The following EP300 variants were observed in gnomAD, a reference collection of about 807,000 sequenced individuals.
EP300 encodes EP300 lysine acetyltransferase.
A neutral mutation model predicts 264.0 loss-of-function variants in EP300; 31 were observed. That is an observed-to-expected ratio of 0.12 (90% confidence interval 0.09 to 0.16). The LOEUF (loss-of-function observed/expected upper bound fraction) is 0.16, where lower values mean the gene tolerates loss of function less well. EP300 is among the 10% of genes least tolerant of loss of function. The pLI, the probability that EP300 is intolerant of heterozygous loss-of-function variation, is 1.00. For synonymous variants in EP300, 1,340 were observed against 1,045.4 expected, an observed-to-expected ratio of 1.28 and a Z score of -5.44; for missense variants, 2,766 against 3,052.9, an observed-to-expected ratio of 0.91 and a Z score of 2.21.
Position 41,178,943 on chromosome 22 carries a change from T to C in EP300, c.7232T>C (p.Leu2411Pro). ...AATTCAAACCTCTCACAGAGTACAC[T>C]AGACATACACTAGAGACACCTTGTA... The part of the protein sequence containing the change: ...DLNSNLSQST[L>P]DIH Residue 2411 changes from leucine to proline, a missense_variant, in exon 31 of 31, where the codon CTA becomes CCA. Physicochemically the swap from Leu to Pro is moderately conservative, Grantham distance 98. Coordinates refer to ENST00000263253, the MANE Select transcript of EP300 (RefSeq NM_001429.4). 1.9e-6 allele frequency: 3 copies of C among 1,613,640 alleles called. No homozygotes were observed. The highest frequency in any genetic ancestry group is 2.5e-6 in the Non-Finnish European group (3 of 1,179,948).
At position 41,126,807 on chromosome 22, in the gene EP300, C is replaced by T. The variant is rs937850972; in HGVS notation, c.907-680C>T. Among the ~76,000 whole-genome samples, 18 of 122,012 alleles carry T rather than the reference C, an allele frequency of 1.5e-4. No individual in the cohort carries two copies. In the Admixed American group the frequency reaches 1.6e-3, roughly 11 times the overall value. 80.0% of individuals were successfully genotyped at this position (122,012 alleles called of 152,430 possible). A position where few individuals can be genotyped will look rare whatever the true frequency, so the allele number is the denominator to read the frequency against. On this transcript the variant is annotated intron_variant, in intron 3 of 30. Coordinates refer to ENST00000263253, the MANE Select transcript of EP300 (RefSeq NM_001429.4). ...TTGCCCAGGCTGGAGTGCAGTGGTA[C>T]GATCTCGGCTCACTGCAACTTCTCC...
intron 1 of EP300, among the ~76,000 whole-genome samples, chr22:41,100,912 G>C (rs762436150): frequency 7.2e-5 from 11 of 151,804 alleles, no homozygotes; most frequent in Non-Finnish European, 1.3e-4. Flanking sequence ...ATCATGTCAC[G>C]TATACAAGAC....
chr22:41,110,271 A>ATATCCAGC (rs1256889189), intron 1 of EP300, among the ~76,000 whole-genome samples: 26 of 130,672 alleles, frequency 2.0e-4, no homozygotes, highest in African/African-American at 7.8e-4. Flanking sequence ...GCATGCCAGC[A>ATATCCAGC]TATCCAGCTA....
intron 1 of EP300, among the ~76,000 whole-genome samples, chr22:41,099,211 G>A (rs1448258252): frequency 2.0e-5 from 3 of 151,964 alleles, no homozygotes; most frequent in Non-Finnish European, 4.4e-5. Flanking sequence ...CTACAGCTGC[G>A]CAGCACCATG....
At chr22:41,169,241 C>T (rs989745898) in intron 25 of EP300, 7 of 560,370 alleles carry the variant, frequency 1.2e-5, no homozygotes, top group East Asian at 3.1e-5. Flanking sequence ...ATAATAAAAA[C>T]GTATAGGGAT....
chr22:41,147,783 T>C (rs762044077), intron 11 of EP300, 54 bp from the exon 12 acceptor site: 22 of 1,186,008 alleles, frequency 1.9e-5, no homozygotes, highest in Non-Finnish European at 2.4e-5. Context: ...TTCTATCTTT[T>C]ATTATTCAAT....
chr22:41,167,653 G>C (rs889315444), intron 23 of EP300, among the ~76,000 whole-genome samples: 8 of 107,844 alleles, frequency 7.4e-5, no homozygotes, highest in Non-Finnish European at 9.2e-5. Flanking sequence ...GGTTGGTTGG[G>C]TTTTTTGTTT....
intron 1 of EP300, among the ~76,000 whole-genome samples, chr22:41,116,444 T>C (rs1214819698): frequency 1.3e-5 from 2 of 152,168 alleles, no homozygotes; most frequent in Non-Finnish European, 2.9e-5. Flanking sequence ...CTCCCACTTA[T>C]GAGTGAGAAC....
At chr22:41,165,661 G>T (rs749646077) in intron 22 of EP300, among the ~76,000 whole-genome samples, 13 of 152,316 alleles carry the variant, frequency 8.5e-5, no homozygotes, top group South Asian at 2.1e-4. Context: ...GACCTCAGGT[G>T]ATCCACCCAC....
At chr22:41,161,386 G>A (rs896409815) in intron 20 of EP300, among the ~76,000 whole-genome samples, 7 of 152,208 alleles carry the variant, frequency 4.6e-5, no homozygotes, top group African/African-American at 1.7e-4. Flanking sequence ...GGGAGGCCAA[G>A]GCGGGCGGAT....
Position 41,173,745 on chromosome 22 carries a change from C to G in EP300, c.4740C>G (p.Leu1580=), listed in dbSNP as rs1333558378. Residue 1580 remains leucine, a synonymous_variant, in exon 29 of 31, where the codon CTC becomes CTG. Coordinates refer to ENST00000263253, the MANE Select transcript of EP300 (RefSeq NM_001429.4). Reference sequence around the variant, plus strand: ...GGATGCCCAATGTATCTAACGACCTCTCACAGAAACTATATGCCACCATGG... The same window carrying G: ...GGATGCCCAATGTATCTAACGACCTGTCACAGAAACTATATGCCACCATGG... The part of the protein sequence containing the change: ...KPGMPNVSND[L]SQKLYATMEK... 6.2e-7 allele frequency: 1 copy of G among 1,614,152 alleles called. No homozygotes were observed. The highest frequency in any genetic ancestry group is 1.1e-5 in the South Asian group (1 of 91,078).
chr22:41,124,672 C>G (rs2058870677), intron 2 of EP300, among the ~76,000 whole-genome samples: 1 of 152,052 alleles, frequency 6.6e-6, no homozygotes, highest in African/African-American at 2.4e-5. Flanking sequence ...AGAAAACATT[C>G]AAATGCTTGA....
intron 2 of EP300, among the ~76,000 whole-genome samples, chr22:41,123,118 G>A (rs557762354): frequency 6.6e-6 from 1 of 152,284 alleles, no homozygotes; most frequent in South Asian, 2.1e-4. Context: ...AGTAACATTT[G>A]AAATTACAAG....
intron 20 of EP300, 32 bp from the exon 21 acceptor site, chr22:41,162,691 T>C (rs2059114323): frequency 6.4e-7 from 1 of 1,569,360 alleles, no homozygotes; most frequent in Non-Finnish European, 8.8e-7. Flanking sequence ...TCTCTATCAC[T>C]TTTTCTCATT....
At position 41,125,859 on chromosome 22, in the gene EP300, C is replaced by G. The variant is rs371539664; in HGVS notation, c.730-5C>G. 6.2e-7 allele frequency: 1 copy of G among 1,613,646 alleles called. No individual in the cohort carries two copies. Among genetic ancestry groups the G allele is most frequent in the African/African-American group, 1.3e-5 (1 of 74,840 alleles). ...ATTTTGTTTTCTTTTGTTTCTTACT[C>G]TTAGATGGGAATGATGAACAACCCC... On this transcript the variant is annotated splice_polypyrimidine_tract_variant and splice_region_variant and intron_variant, in intron 2 of 30. Transcript: ENST00000263253.
At position 41,094,904 on chromosome 22, in the gene EP300, C is replaced by G. The variant is rs374931862; in HGVS notation, c.94+1806C>G. 1.3e-4 allele frequency among the ~76,000 whole-genome samples: 20 copies of G among 152,184 alleles called. No homozygotes were observed. In the East Asian group the frequency reaches 2.3e-3, roughly 18 times the overall value. On this transcript the variant is annotated intron_variant, in intron 1 of 30. Transcript: ENST00000263253. ...TTCTGTTCAGGTGTGCTACTACTTT[C>G]TCCATGTCGGTCTGTTTTGCTACTT...
chr22:41,116,781 C>T (rs1272457427), intron 1 of EP300, among the ~76,000 whole-genome samples: 1 of 152,108 alleles, frequency 6.6e-6, no homozygotes, highest in Non-Finnish European at 1.5e-5. Context: ...ATATATAGGG[C>T]TGTGTGTGGT....
Position 41,092,905 on chromosome 22 carries a change from C to G in EP300, c.-100C>G. 1 of 1,375,946 alleles carries G rather than the reference C, an allele frequency of 7.3e-7. No homozygotes were observed. The highest frequency in any genetic ancestry group is 2.3e-5 in the East Asian group (1 of 43,788). The allele number at this position is 1,375,946 out of a possible 1,614,324, so 85.2% of individuals were successfully genotyped here. A position where few individuals can be genotyped will look rare whatever the true frequency, so the allele number is the denominator to read the frequency against. ...CACCCCCTCGGGTGCCGTCGGAGCCCCCCAGCCCACCCCTGGGTGCGGCGC... is the reference window on the plus strand; with the variant it reads ...CACCCCCTCGGGTGCCGTCGGAGCCGCCCAGCCCACCCCTGGGTGCGGCGC... On this transcript the variant is annotated 5_prime_UTR_variant, in exon 1 of 31. Coordinates refer to ENST00000263253, the MANE Select transcript of EP300 (RefSeq NM_001429.4).
At chr22:41,114,837 T>C (rs2058812495) in intron 1 of EP300, among the ~76,000 whole-genome samples, 3 of 146,862 alleles carry the variant, frequency 2.0e-5, no homozygotes, top group Admixed American at 1.4e-4. Flanking sequence ...AAAAAAAAAC[T>C]ACAAGAAGAG....
Sources: allele counts gnomAD v4.1 joint callset (sites outside exome capture counted in the v4.1 genomes callset), GRCh38; gene constraint gnomAD v4.1.1; transcripts MANE v1.5; gene names NCBI Gene and HGNC (gene_info 2026-07-23, HGNC 2026-07-21).